The following ZNF83 variants were observed in gnomAD, a reference collection of about 807,000 sequenced individuals.
The protein encoded by ZNF83 is zinc finger protein 83, also known as zinc finger protein 816B.
For synonymous variants in ZNF83, 209 were observed against 213.0 expected (o/e 0.98, Z 0.17); for missense variants, 552 against 629.9 (o/e 0.88, Z 1.32).
chr19:52,636,054 T>C (rs1568552886), intron 1 of ZNF83: 1 of 149,714 alleles, frequency 6.7e-6, no homozygotes, highest in Non-Finnish European at 1.5e-5. Context: ...CTCAGTACTC[T>C]GGGCGGCCAA....
chr19:52,616,614 T>C (rs111778694), intron 2 of ZNF83: 4,424 of 152,098 alleles, frequency 0.029, 194 homozygotes, highest in African/African-American at 0.096. Flanking sequence ...GAGGCTGAGG[T>C]GGGCGGATCA....
chr19:52,677,154 TAAAG>T (rs2061827675), intron 1 of ZNF83, among the ~76,000 whole-genome samples: 10 of 139,300 alleles, frequency 7.2e-5, no homozygotes, highest in Admixed American at 6.4e-4. Flanking sequence ...GAAAAAAAAA[TAAAG>T]GAAGAAGATA....
At chr19:52,661,139 A>T (rs935172035) in intron 1 of ZNF83, among the ~76,000 whole-genome samples, 1 of 152,132 alleles carries the variant, frequency 6.6e-6, no homozygotes, top group African/African-American at 2.4e-5. Flanking sequence ...CTATGATTAC[A>T]GGGGTAAACC....
intron 1 of ZNF83, among the ~76,000 whole-genome samples, chr19:52,686,459 C>CATATATAT (rs3055374): frequency 6.3e-5 from 9 of 143,128 alleles, no homozygotes; most frequent in South Asian, 2.2e-4. Context: ...AAAAAAATTA[C>CATATATAT]ATATATATAT....
chr19:52,657,624 G>T (rs1168747817), intron 2 of ZNF83, among the ~76,000 whole-genome samples: 1 of 152,206 alleles, frequency 6.6e-6, no homozygotes, highest in African/African-American at 2.4e-5. Flanking sequence ...AAGGCAGGCG[G>T]ATCACCTGAG....
At chr19:52,631,875 C>T (rs890950612) in intron 2 of ZNF83, among the ~76,000 whole-genome samples, 188 of 152,014 alleles carry the variant, frequency 1.2e-3, no homozygotes, top group Non-Finnish European at 1.0e-3. Context: ...AATCTATCCT[C>T]AAGGAAATAA....
At chr19:52,661,268 G>A (rs2061576536) in intron 1 of ZNF83, among the ~76,000 whole-genome samples, 1 of 152,184 alleles carries the variant, frequency 6.6e-6, no homozygotes, top group Non-Finnish European at 1.5e-5. Flanking sequence ...CTGCACCAGA[G>A]ATCATGCAGA....
At chr19:52,636,030 C>A (rs2061136311) in intron 1 of ZNF83, 1 of 150,162 alleles carries the variant, frequency 6.7e-6, no homozygotes, top group Admixed American at 6.6e-5. Context: ...CGTGCGGTGG[C>A]TCTTTCCTGT....
intron 2 of ZNF83, among the ~76,000 whole-genome samples, chr19:52,622,025 A>C (rs1458482680): frequency 6.6e-6 from 1 of 151,878 alleles, no homozygotes; most frequent in Non-Finnish European, 1.5e-5. Flanking sequence ...CCTTTTCTGA[A>C]GACCCCTCTT....
chr19:52,681,022 T>G (rs544605756), intron 1 of ZNF83, among the ~76,000 whole-genome samples: 219 of 151,906 alleles, frequency 1.4e-3, no homozygotes, highest in Non-Finnish European at 2.5e-3. Context: ...TGGTGGCTCA[T>G]GCCTGTAATC....
chr19:52,619,639 AAAT>A (rs1452982380), intron 2 of ZNF83, among the ~76,000 whole-genome samples: 3 of 151,974 alleles, frequency 2.0e-5, no homozygotes, highest in Non-Finnish European at 2.9e-5. Context: ...AAAAAAAAAA[AAAT>A]GTTAGAAACT....
chr19:52,633,140 G>A (rs1034871848), intron 2 of ZNF83, among the ~76,000 whole-genome samples: 4 of 152,046 alleles, frequency 2.6e-5, no homozygotes, highest in South Asian at 4.1e-4. Flanking sequence ...TGATGACATC[G>A]TCTTGTGAAA....
At chr19:52,660,791 CT>C in exon 2 of ZNF83, 1 of 211,546 alleles carries the variant, frequency 4.7e-6, no homozygotes, top group Admixed American at 4.6e-5. Flanking sequence ...GTCTCCTTTT[CT>C]TTGGTCTTCT....
At position 52,619,496 on chromosome 19, in the gene ZNF83, G is replaced by C. The variant is rs867382765; in HGVS notation, c.-233-4699C>G. ...CAAAAATTAGCTGGATGTGGTGGTA[G>C]ATGCCTGTAGTCTCAGCTACTCAGG... is the stretch of plus-strand genomic sequence containing the variant. On this transcript the variant is annotated intron_variant, in intron 2 of 2. Coordinates refer to ENST00000301096, the Ensembl canonical transcript of ZNF83. Among the ~76,000 whole-genome samples, 6 of 152,196 alleles carry C rather than the reference G, an allele frequency of 3.9e-5. No homozygotes were observed. The Middle Eastern group carries it at 0.01, about 259-fold the overall frequency.
At chr19:52,629,601 C>A (rs1017429134) in intron 2 of ZNF83, among the ~76,000 whole-genome samples, 1 of 152,124 alleles carries the variant, frequency 6.6e-6, no homozygotes, top group Non-Finnish European at 1.5e-5. Context: ...CAGCAATTTA[C>A]TCTTAAAAAG....
At chr19:52,645,010 T>TCA (rs2061354381) in intron 3 of ZNF83, among the ~76,000 whole-genome samples, 1 of 111,144 alleles carries the variant, frequency 9.0e-6, no homozygotes, top group Admixed American at 9.5e-5. Context: ...AACTCCATCT[T>TCA]AAAAAAAAAA....
At chr19:52,659,783 A>G (rs933535278) in intron 2 of ZNF83, among the ~76,000 whole-genome samples, 10 of 152,208 alleles carry the variant, frequency 6.6e-5, no homozygotes, top group African/African-American at 2.2e-4. Context: ...TAAGAGACCT[A>G]TAACAAACAA....
chr19:52,679,767 A>G (rs550193227), intron 1 of ZNF83, among the ~76,000 whole-genome samples: 159 of 152,290 alleles, frequency 1.0e-3, no homozygotes, highest in African/African-American at 3.5e-3. Flanking sequence ...ATAACAGTCA[A>G]AGTGTTCTTC....
chr19:52,640,680 A>G (rs2061290525), upstream of ZNF83, among the ~76,000 whole-genome samples: 1 of 151,822 alleles, frequency 6.6e-6, no homozygotes, highest in Non-Finnish European at 1.5e-5. Context: ...CCACCCCTTT[A>G]CTGAGGTCCC....
Sources: gnomAD v4.1 joint callset for allele counts (sites outside exome capture counted in the v4.1 genomes callset) on GRCh38, gnomAD v4.1.1 for gene constraint, MANE v1.5 for transcripts, NCBI Gene and HGNC (gene_info 2026-07-23, HGNC 2026-07-21) for gene names.